ERBB4: variants seen among roughly 807,000 people sequenced by gnomAD.
The protein encoded by ERBB4 is receptor tyrosine-protein kinase erbB-4.
ERBB4 carries 42 observed loss-of-function variants against 158.0 expected under a neutral mutation model. The ratio of observed to expected loss-of-function variants is 0.27; its 90% CI spans 0.21 to 0.34. The LOEUF is 0.34. Among genes scored for constraint, ERBB4 ranks in the 10% least tolerant of loss-of-function variants. The probability of loss-of-function intolerance (pLI) is 1.00; values close to 1 mark genes in which losing one functional copy is unlikely to be tolerated. For synonymous variants in ERBB4, 583 were observed against 558.7 expected (o/e 1.04, Z -0.61); for missense variants, 1,333 against 1,624.1 (o/e 0.82, Z 3.08).
chr2:212,186,148 A>C (rs756561668), intron 1 of ERBB4, among the ~76,000 whole-genome samples: 8 of 152,132 alleles, frequency 5.3e-5, no homozygotes, highest in Non-Finnish European at 1.0e-4. Flanking sequence ...GTTTCGACTA[A>C]ATGAGAAAGA....
chr2:212,258,644 A>G (rs961434096), intron 1 of ERBB4, among the ~76,000 whole-genome samples: 65 of 148,580 alleles, frequency 4.4e-4, no homozygotes, highest in Non-Finnish European at 1.2e-4. Context: ...AATATATAAT[A>G]TGTTTTTAAT....
chr2:211,670,713 A>G (rs1337735946), intron 14 of ERBB4, among the ~76,000 whole-genome samples: 1 of 152,218 alleles, frequency 6.6e-6, no homozygotes, highest in Non-Finnish European at 1.5e-5. Flanking sequence ...GAAAAATGGG[A>G]GTAATACCTA....
intron 12 of ERBB4, among the ~76,000 whole-genome samples, chr2:211,679,392 T>C (rs2072244570): frequency 6.6e-6 from 1 of 152,200 alleles, no homozygotes. Context: ...ACAGCAATCT[T>C]GCATTTTTCA....
At chr2:211,786,459 C>A (rs953230509) in intron 4 of ERBB4, among the ~76,000 whole-genome samples, 1 of 152,186 alleles carries the variant, frequency 6.6e-6, no homozygotes, top group Non-Finnish European at 1.5e-5. Flanking sequence ...CTCTACTCTG[C>A]ATTTATAATT....
At chr2:212,380,247 T>G (rs1182962700) in intron 1 of ERBB4, among the ~76,000 whole-genome samples, 1 of 151,308 alleles carries the variant, frequency 6.6e-6, no homozygotes, top group African/African-American at 2.4e-5. Flanking sequence ...ATATGTACAG[T>G]CTTCTATTTC....
At chr2:212,258,193 C>T (rs2106075550) in intron 1 of ERBB4, among the ~76,000 whole-genome samples, 1 of 151,730 alleles carries the variant, frequency 6.6e-6, no homozygotes, top group Middle Eastern at 3.4e-3. Context: ...TTCTGAATAC[C>T]CTAAAAGTAT....
intron 1 of ERBB4, among the ~76,000 whole-genome samples, chr2:212,437,974 A>G (rs1166423670): frequency 6.6e-6 from 1 of 152,066 alleles, no homozygotes; most frequent in South Asian, 2.1e-4. Context: ...TTCTGCTTAC[A>G]TAGTATCCTG....
chr2:211,584,079 T>C (rs1385723986), intron 19 of ERBB4, among the ~76,000 whole-genome samples: 1 of 149,418 alleles, frequency 6.7e-6, no homozygotes, highest in Non-Finnish European at 1.5e-5. Context: ...GCAAAAGCCA[T>C]GTCCATTGTG....
intron 25 of ERBB4, among the ~76,000 whole-genome samples, chr2:211,417,274 A>T (rs1254626348): frequency 6.6e-6 from 1 of 152,070 alleles, no homozygotes; most frequent in East Asian, 1.9e-4. Flanking sequence ...GGAGTTCAAG[A>T]GTAGCCTTGG....
chr2:211,733,144 G>A (rs1262459740), intron 5 of ERBB4, among the ~76,000 whole-genome samples: 1 of 152,102 alleles, frequency 6.6e-6, no homozygotes, highest in Non-Finnish European at 1.5e-5. Context: ...ATCACCACCT[G>A]CTTTATTCAT....
chr2:212,510,851 A>C (rs765065114), intron 1 of ERBB4, among the ~76,000 whole-genome samples: 3 of 152,132 alleles, frequency 2.0e-5, no homozygotes, highest in Non-Finnish European at 2.9e-5. Context: ...AGTGCCCGTT[A>C]ATAAATAGAA....
intron 1 of ERBB4, among the ~76,000 whole-genome samples, chr2:212,432,088 G>A (rs2092042908): frequency 6.6e-6 from 1 of 152,156 alleles, no homozygotes; most frequent in South Asian, 2.1e-4. Context: ...ATGAAAAACA[G>A]GACCTCACTG....
chr2:212,158,537 G>T (rs1243958865), intron 1 of ERBB4, among the ~76,000 whole-genome samples: 1 of 151,896 alleles, frequency 6.6e-6, no homozygotes, highest in African/African-American at 2.4e-5. Flanking sequence ...ACTCTGAAGA[G>T]ATATCTCTGA....
chr2:212,367,929 A>C (rs1574781631), intron 1 of ERBB4, among the ~76,000 whole-genome samples: 1 of 152,180 alleles, frequency 6.6e-6, no homozygotes, highest in East Asian at 1.9e-4. Flanking sequence ...AAATCAAAAA[A>C]CAGTAGATGT....
At chr2:211,766,043 T>C (rs2075542627) in intron 4 of ERBB4, among the ~76,000 whole-genome samples, 1 of 152,232 alleles carries the variant, frequency 6.6e-6, no homozygotes, top group South Asian at 2.1e-4. Context: ...TGCATTTTTA[T>C]TCAAGCTTTT....
chr2:211,748,028 A>T (rs907168687), intron 5 of ERBB4, among the ~76,000 whole-genome samples: 1 of 151,704 alleles, frequency 6.6e-6, no homozygotes, highest in African/African-American at 2.4e-5. Context: ...ATGCTACGTA[A>T]ATAGATGTTA....
At chr2:211,683,770 C>G (rs2072452776) in intron 12 of ERBB4, among the ~76,000 whole-genome samples, 1 of 147,966 alleles carries the variant, frequency 6.8e-6, no homozygotes, top group Non-Finnish European at 1.5e-5. Context: ...AAGTAGCAAA[C>G]TATTTTCTAG....
intron 3 of ERBB4, among the ~76,000 whole-genome samples, chr2:211,828,538 A>C (rs549154419): frequency 3.3e-5 from 5 of 151,430 alleles, no homozygotes; most frequent in Non-Finnish European, 7.4e-5. Context: ...ACAACAACAG[A>C]CTCAGAACAC....
intron 17 of ERBB4, among the ~76,000 whole-genome samples, chr2:211,629,301 T>A (rs2070001320): frequency 6.6e-6 from 1 of 152,022 alleles, no homozygotes; most frequent in African/African-American, 2.4e-5. Context: ...TCACAATTGC[T>A]TCAAAGAGAA....
Sources: allele counts gnomAD v4.1 joint callset (sites outside exome capture counted in the v4.1 genomes callset), GRCh38; gene constraint gnomAD v4.1.1; transcripts MANE v1.5; gene names NCBI Gene and HGNC (gene_info 2026-07-23, HGNC 2026-07-21).